SPG7: variants seen among roughly 807,000 people sequenced by gnomAD.
The protein encoded by SPG7 is SPG7 matrix AAA peptidase subunit, paraplegin.
In SPG7, 103 loss-of-function variants were observed where a neutral mutation model predicts 81.9. That is an observed-to-expected ratio of 1.26 (90% CI 1.07 to 1.48). SPG7 has a LOEUF of 1.48. SPG7 is among the 40% of genes most tolerant of loss of function. The pLI is 0.00. For missense variants in SPG7, 1,241 were observed against 1,087.3 expected (o/e 1.14, Z -1.99); for synonymous variants, 534 against 444.2 (o/e 1.20, Z -2.54).
At position 89,552,966 on chromosome 16, in the gene SPG7, G is replaced by C. The variant is rs2058650647; in HGVS notation, c.1780-13G>C. 1.2e-6 allele frequency: 2 copies of C among 1,613,438 alleles called. No individual in the cohort carries two copies. The highest frequency in any genetic ancestry group is 8.5e-7 in the Non-Finnish European group (1 of 1,179,842). ...CCTGCCTACTGACCTGGGTCATCTTGACCTTGTGCCAGGTCTCCATAACCC... is the reference window on the plus strand; with the variant it reads ...CCTGCCTACTGACCTGGGTCATCTTCACCTTGTGCCAGGTCTCCATAACCC... On this transcript the variant is annotated splice_polypyrimidine_tract_variant and intron_variant, in intron 13 of 16. Transcript: ENST00000645818.
At position 89,550,556 on chromosome 16, in the gene SPG7, T is replaced by G. The variant is rs2058623913; in HGVS notation, c.1726T>G (p.Ser576Ala). The G allele has an allele frequency of 1.2e-6, 2 of 1,614,028 alleles. No individual in the cohort carries two copies. Among genetic ancestry groups the G allele is most frequent in the Non-Finnish European group, 8.5e-7 (1 of 1,180,010 alleles). ...ACAGAAAGTGGTTGCGTTTCATGAG[T>G]CGGGCCACGCCTTGGTGGGCTGGAT... ...EEQKVVAFHE[S>A]GHALVGWMLE... Residue 576 changes from serine (S) to alanine (A), a missense_variant, in exon 13 of 17, where the codon TCG (serine) becomes GCG (alanine). By Grantham distance (99) the Ser-to-Ala change is moderately conservative (BLOSUM62 1). Transcript: ENST00000645818.
rs1161258477 is a variant in SPG7 at position 89,509,808 on chromosome 16, T to G, written c.184-682T>G. ...CTTCTTTTTTTTTTTTTTTTTTTTT[T>G]GTGACAATCTCGCTGTGTCGCCCAG... On this transcript the variant is annotated intron_variant, in intron 1 of 16. Coordinates refer to ENST00000645818, the MANE Select transcript of SPG7 (RefSeq NM_003119.4). Among the ~76,000 whole-genome samples, 5 of 112,142 alleles carry G rather than the reference T, an allele frequency of 4.5e-5. No individual in the cohort carries two copies. The South Asian group carries it at 1.3e-3, about 29-fold the overall frequency. 73.6% of individuals were successfully genotyped at this position (112,142 alleles called of 152,430 possible). A position where few individuals can be genotyped will look rare whatever the true frequency, so the allele number is the denominator to read the frequency against.
chr16:89,524,568 C>A (rs188769569), intron 4 of SPG7, among the ~76,000 whole-genome samples: 55 of 152,278 alleles, frequency 3.6e-4, no homozygotes, highest in African/African-American at 1.3e-3. Flanking sequence ...CTCAGCCTCC[C>A]GGGTAGCTGG....
chr16:89,545,775 T>A, intron 10 of SPG7: 1 of 327,300 alleles, frequency 3.1e-6, no homozygotes, highest in Non-Finnish European at 6.0e-6. Context: ...GAATTGGAAG[T>A]TTTGCAGAAT....
In SPG7 at chr16:89,536,860, C is replaced by T. The variant is rs75806597; in HGVS notation, c.1324+4224C>T. ...CTGTCTCACGGAGCCCACAGGGTCA[C>T]GGAGGGCAATGGAGGGTCATTCGCT... On this transcript the variant is annotated intron_variant, in intron 9 of 16. Coordinates refer to ENST00000645818, the MANE Select transcript of SPG7 (RefSeq NM_003119.4). The T allele has an allele frequency of 2.0e-4, 325 of 1,614,134 alleles. 3 individuals carry two copies. In the East Asian group the frequency reaches 4.8e-3, roughly 24 times the overall value.
intron 9 of SPG7, chr16:89,542,205 T>G (rs553949377): frequency 6.6e-6 from 1 of 152,426 alleles, no homozygotes; most frequent in South Asian, 2.1e-4. Context: ...TTTTTTTCAC[T>G]GTTTATACAA....
intron 5 of SPG7, chr16:89,529,082 G>C: frequency 3.0e-6 from 1 of 328,096 alleles, no homozygotes; most frequent in South Asian, 2.5e-5. Flanking sequence ...AAAGTGCTAG[G>C]ATTACAGGCG....
intron 9 of SPG7, chr16:89,537,545 C>T: frequency 1.0e-6 from 1 of 986,992 alleles, no homozygotes; most frequent in Non-Finnish European, 1.2e-6. Flanking sequence ...CTTTTTTTTT[C>T]TTCAGAGACA....
At chr16:89,521,889 T>C (rs867311885) in intron 3 of SPG7, 1 of 152,214 alleles carries the variant, frequency 6.6e-6, no homozygotes, top group Non-Finnish European at 1.5e-5. Context: ...GAGTAGCTGC[T>C]GGGAAGTATT....
intron 3 of SPG7, among the ~76,000 whole-genome samples, chr16:89,515,519 G>A (rs1459026277): frequency 9.6e-5 from 14 of 146,562 alleles, no homozygotes; most frequent in Admixed American, 6.1e-4. Context: ...TCCCCACTTC[G>A]GCCTCCCAAA....
chr16:89,523,940 T>C (rs1375791896), intron 3 of SPG7, 66 bp from the exon 4 acceptor site: 1 of 1,597,540 alleles, frequency 6.3e-7, no homozygotes, highest in Non-Finnish European at 8.5e-7. Flanking sequence ...CTGAGGAAGC[T>C]CTGGATGTCG....
intron 2 of SPG7, among the ~76,000 whole-genome samples, chr16:89,512,517 C>G (rs1272241177): frequency 1.3e-5 from 2 of 151,346 alleles, no homozygotes; most frequent in African/African-American, 4.9e-5. Flanking sequence ...TTCACCATCT[C>G]AGCCAGTCTG....
intron 16 of SPG7, chr16:89,555,084 C>CTT (rs1429443142): frequency 3.9e-4 from 51 of 130,314 alleles, no homozygotes; most frequent in South Asian, 1.1e-3. Flanking sequence ...CTCGGCTTTT[C>CTT]TTTTTTTTTT....
At position 89,508,490 on chromosome 16, in the gene SPG7, C is replaced by A; in HGVS notation, c.73C>A (p.Pro25Thr). The change falls in exon 1 of 17, where the codon CCA becomes ACA. Residue 25 changes from proline (P) to threonine (T), a missense_variant. Pro to Thr is a conservative substitution (Grantham distance 38, BLOSUM62 -1). Transcript: ENST00000645818. ...CCCGGGTCCTCGGCCGCTGTGGGGC[C>A]CAGGCCCGGCCTGGAGTCCAGGGTT... Reference protein sequence around the residue: ...PGPGPRPLWGPGPAWSPGFPA... With the variant: ...PGPGPRPLWGTGPAWSPGFPA... 1 of 1,510,848 alleles carries A rather than the reference C, an allele frequency of 6.6e-7. No homozygotes were observed. The highest frequency in any genetic ancestry group is 2.0e-5 in the Admixed American group (1 of 48,900). The allele number at this position is 1,510,848 out of a possible 1,614,324, so 93.6% of individuals were successfully genotyped here.
At position 89,548,328 on chromosome 16, in the gene SPG7, A is replaced by T. The variant is rs2058592059; in HGVS notation, c.1663+215A>T. 26 of 526,516 alleles carry T rather than the reference A, an allele frequency of 4.9e-5. No homozygotes were observed. In the South Asian group the frequency reaches 6.6e-4, roughly 13 times the overall value. 32.6% of individuals were successfully genotyped at this position (526,516 alleles called of 1,614,324 possible). On this transcript the variant is annotated intron_variant, in intron 12 of 16. Coordinates refer to ENST00000645818, the MANE Select transcript of SPG7 (RefSeq NM_003119.4). ...TTTACCTAAGAGTAGACGCTCGTCCAACAGAAATAAAAAATGCCTTGCCAA... is the reference window on the plus strand; with the variant it reads ...TTTACCTAAGAGTAGACGCTCGTCCTACAGAAATAAAAAATGCCTTGCCAA...
At chr16:89,527,899 C>T (rs1044559854) in intron 5 of SPG7, among the ~76,000 whole-genome samples, 1 of 151,290 alleles carries the variant, frequency 6.6e-6, no homozygotes, top group Admixed American at 6.6e-5. Flanking sequence ...AGTTCGAGAC[C>T]AGTCTGGGCA....
At chr16:89,512,580 G>A (rs1195109167) in intron 2 of SPG7, among the ~76,000 whole-genome samples, 1 of 152,198 alleles carries the variant, frequency 6.6e-6, no homozygotes, top group African/African-American at 2.4e-5. Flanking sequence ...CAAAGTGCTG[G>A]GATTACAGGC....
chr16:89,536,469 G>GGGTGAGGTCA (rs2058418958), intron 9 of SPG7, among the ~76,000 whole-genome samples: 1 of 119,646 alleles, frequency 8.4e-6, no homozygotes, highest in East Asian at 3.0e-4. Flanking sequence ...CGGGTGAGGC[G>GGGTGAGGTCA]GGTGAGGCGG....
In SPG7 at chr16:89,557,750, T is replaced by C. The variant is rs1411420898; in HGVS notation, c.*657T>C. 2 of 153,490 alleles carry C rather than the reference T, an allele frequency of 1.3e-5. No individual in the cohort carries two copies. Among genetic ancestry groups the C allele is most frequent in the Non-Finnish European group, 2.9e-5 (2 of 68,908 alleles). The allele number at this position is 153,490 out of a possible 1,614,324, so 9.5% of individuals were successfully genotyped here. On this transcript the variant is annotated 3_prime_UTR_variant, in exon 17 of 17. Coordinates refer to ENST00000645818, the MANE Select transcript of SPG7 (RefSeq NM_003119.4). ...GTTGAGATACTTTACTAATAAACTG[T>C]GTAGTTGGAAAATCTACATTTGCAT...
Sources: allele counts gnomAD v4.1 joint callset (sites outside exome capture counted in the v4.1 genomes callset), GRCh38; gene constraint gnomAD v4.1.1; transcripts MANE v1.5; gene names NCBI Gene and HGNC (gene_info 2026-07-23, HGNC 2026-07-21).